The following PGPEP1L variants were observed in gnomAD, a reference collection of about 807,000 sequenced individuals.
PGPEP1L encodes the protein pyroglutamyl-peptidase 1-like protein.
A neutral mutation model predicts 6.0 loss-of-function variants in PGPEP1L; 7 were observed. That is an observed-to-expected ratio of 1.17 (90% confidence interval 0.66 to 2.19). The LOEUF is 2.19. Among genes scored for constraint, PGPEP1L ranks in the 30% most tolerant of loss-of-function variants. The probability of loss-of-function intolerance (pLI) is 0.00; values close to 1 mark genes in which losing one functional copy is unlikely to be tolerated. For missense variants in PGPEP1L, 209 were observed against 192.5 expected, an observed-to-expected ratio of 1.09 and a Z score of -0.51; for synonymous variants, 103 against 83.9, an observed-to-expected ratio of 1.23 and a Z score of -1.24.
intron 1 of PGPEP1L, among the ~76,000 whole-genome samples, chr15:99,006,513 C>T (rs1343813974): frequency 6.6e-6 from 1 of 152,196 alleles, no homozygotes; most frequent in African/African-American, 2.4e-5. Flanking sequence ...CTTGATCTTT[C>T]GGAGAATTCT....
intron 2 of PGPEP1L, among the ~76,000 whole-genome samples, chr15:98,996,773 T>C (rs933264555): frequency 1.1e-4 from 17 of 152,142 alleles, no homozygotes; most frequent in African/African-American, 4.1e-4. Context: ...CTATCTTACC[T>C]AGTGATATCT....
intron 2 of PGPEP1L, among the ~76,000 whole-genome samples, chr15:98,971,374 A>G (rs1215864344): frequency 1.3e-5 from 2 of 152,166 alleles, no homozygotes; most frequent in East Asian, 3.9e-4. Flanking sequence ...CCTGTCTGTA[A>G]TCCCAGCTAC....
intron 2 of PGPEP1L, among the ~76,000 whole-genome samples, chr15:98,990,434 C>T (rs1024032739): frequency 3.9e-5 from 6 of 152,066 alleles, no homozygotes; most frequent in Non-Finnish European, 7.4e-5. Context: ...ACATATGCAC[C>T]CAATATAGGA....
At chr15:98,983,270 G>C (rs2017695579) in intron 2 of PGPEP1L, among the ~76,000 whole-genome samples, 1 of 152,038 alleles carries the variant, frequency 6.6e-6, no homozygotes, top group Admixed American at 6.6e-5. Context: ...GCACCGTTCA[G>C]CTTAGAAATT....
At position 99,006,905 on chromosome 15, in the gene PGPEP1L, G is replaced by A. The variant is rs184879688; in HGVS notation, c.-370+454C>T. ...CTCTGTCCCCATCTAGGTCTGGGGA[G>A]GAGAAGCTCCCTTCAGGGAAGCAGG... On this transcript the variant is annotated intron_variant, in intron 1 of 4. Coordinates refer to ENST00000535714, the MANE Select transcript of PGPEP1L (RefSeq NM_001167902.2). Among the ~76,000 whole-genome samples the A allele has an allele frequency of 1.2e-3, 177 of 152,306 alleles. 3 individuals are homozygous for A. The highest frequency in any genetic ancestry group is 0.01 in the Admixed American group (160 of 15,304).
At position 98,968,679 on chromosome 15, in the gene PGPEP1L, G is replaced by A. The variant is rs764040152; in HGVS notation, c.228C>T (p.Thr76=). The stretch of plus-strand genomic sequence containing the variant: ...TTCCATGATGCAGAGACAGGTAATA[G>A]GTATAATCACAGACGTATCTGCAAC... ...RDAGRYVCDY[T]YYLSLHHGKG... The change falls in exon 5 of 5, where the codon ACC becomes ACT. Residue 76 remains threonine (T), a synonymous_variant. Coordinates refer to ENST00000535714, the MANE Select transcript of PGPEP1L (RefSeq NM_001167902.2). 28 of 1,574,166 alleles carry A rather than the reference G, an allele frequency of 1.8e-5. No individual in the cohort carries two copies. Among genetic ancestry groups the A allele is most frequent in the Middle Eastern group, 3.3e-4 (2 of 6,048 alleles).
chr15:99,000,658 CCA>C (rs1555472900), intron 2 of PGPEP1L, among the ~76,000 whole-genome samples: 1 of 152,124 alleles, frequency 6.6e-6, no homozygotes, highest in Non-Finnish European at 1.5e-5. Flanking sequence ...ACCTTTGTAT[CCA>C]CACTCTGTAT....
At chr15:99,004,491 G>A (rs1245025437) in intron 2 of PGPEP1L, among the ~76,000 whole-genome samples, 14 of 152,170 alleles carry the variant, frequency 9.2e-5, no homozygotes, top group Non-Finnish European at 1.3e-4. Flanking sequence ...AGGCCTAGGC[G>A]GGCAGATCAC....
At chr15:99,001,758 C>T (rs1307470184) in intron 2 of PGPEP1L, among the ~76,000 whole-genome samples, 2 of 152,168 alleles carry the variant, frequency 1.3e-5, no homozygotes, top group Admixed American at 1.3e-4. Context: ...CACCCTGTCA[C>T]GTAGGCTGGA....
intron 2 of PGPEP1L, among the ~76,000 whole-genome samples, chr15:98,978,191 G>A (rs2017596896): frequency 6.6e-6 from 1 of 152,192 alleles, no homozygotes; most frequent in Non-Finnish European, 1.5e-5. Flanking sequence ...CTGCAAGAGA[G>A]GAAACACAGC....
chr15:98,968,477 G>T lies in PGPEP1L; in HGVS notation c.*1C>A, dbSNP rs2017435644. 8 of 1,612,372 alleles carry T rather than the reference G, an allele frequency of 5.0e-6. No homozygotes were observed. The highest frequency in any genetic ancestry group is 6.8e-6 in the Non-Finnish European group (8 of 1,179,200). On this transcript the variant is annotated 3_prime_UTR_variant, in exon 5 of 5. Coordinates refer to ENST00000535714, the MANE Select transcript of PGPEP1L (RefSeq NM_001167902.2). ...TTTTCTCTAGAGGAGCAATCCCCCG[G>T]TCAGTTCCCTTTGGCTGGAAGGACC...
At chr15:98,978,319 G>A (rs1217126538) in intron 2 of PGPEP1L, among the ~76,000 whole-genome samples, 1 of 152,200 alleles carries the variant, frequency 6.6e-6, no homozygotes, top group Non-Finnish European at 1.5e-5. Context: ...CCCAAGGCTG[G>A]TCTGGGGTAT....
At chr15:98,981,247 C>T (rs1280241712) in intron 2 of PGPEP1L, among the ~76,000 whole-genome samples, 1 of 152,104 alleles carries the variant, frequency 6.6e-6, no homozygotes, top group African/African-American at 2.4e-5. Flanking sequence ...AATCCCAGCA[C>T]TTTGGGAGGC....
intron 2 of PGPEP1L, among the ~76,000 whole-genome samples, chr15:98,975,865 A>G (rs1428633954): frequency 6.6e-6 from 1 of 152,188 alleles, no homozygotes; most frequent in Non-Finnish European, 1.5e-5. Flanking sequence ...TGGGCGACAG[A>G]GCGAGACTCT....
At chr15:98,984,435 C>T (rs1418008223) in intron 2 of PGPEP1L, among the ~76,000 whole-genome samples, 4 of 152,154 alleles carry the variant, frequency 2.6e-5, no homozygotes, top group Admixed American at 2.6e-4. Context: ...GAACACATAG[C>T]CGGGCCCTTG....
At chr15:98,994,256 ACT>A (rs782690015) in intron 2 of PGPEP1L, among the ~76,000 whole-genome samples, 95 of 152,102 alleles carry the variant, frequency 6.2e-4, no homozygotes, top group Non-Finnish European at 1.1e-3. Context: ...ACAGAGCAAG[ACT>A]CTGTCTCAAA....
intron 2 of PGPEP1L, among the ~76,000 whole-genome samples, chr15:98,974,564 C>G (rs571807959): frequency 8.2e-4 from 125 of 152,228 alleles, no homozygotes; most frequent in Non-Finnish European, 1.4e-3. Flanking sequence ...CTACCAAACA[C>G]TTAATGAGCT....
chr15:98,980,303 G>A (rs1003579384), intron 2 of PGPEP1L, among the ~76,000 whole-genome samples: 9 of 152,162 alleles, frequency 5.9e-5, no homozygotes, highest in African/African-American at 2.2e-4. Flanking sequence ...AAACCTGAAC[G>A]ATCAGGGAGG....
rs1159737408 is a variant in PGPEP1L, at chr15:99,005,522, G to GGCTCTGCGC, written c.-244_-236dup. 6.6e-6 allele frequency: 1 copy of GGCTCTGCGC among 152,350 alleles called. No individual in the cohort carries two copies. Among genetic ancestry groups the GGCTCTGCGC allele is most frequent in the Non-Finnish European group, 1.5e-5 (1 of 68,062 alleles). The allele number at this position is 152,350 out of a possible 1,614,324, so 9.4% of individuals were successfully genotyped here. A position where few individuals can be genotyped will look rare whatever the true frequency, so the allele number is the denominator to read the frequency against. ...GGCTCAGGCAGCGGCCCAGCGGCCG[G>GGCTCTGCGC]GCTCTGCGCGCTCTGAGCTCCGGGC... On this transcript the variant is annotated 5_prime_UTR_variant, in exon 2 of 5. Transcript: ENST00000535714.
Sources: allele counts gnomAD v4.1 joint callset (sites outside exome capture counted in the v4.1 genomes callset), GRCh38; gene constraint gnomAD v4.1.1; transcripts MANE v1.5; gene names NCBI Gene and HGNC (gene_info 2026-07-23, HGNC 2026-07-21).